SETD7: variants seen among roughly 807,000 people sequenced by gnomAD.
SETD7 encodes the protein histone-lysine N-methyltransferase SETD7.
A neutral mutation model predicts 41.8 loss-of-function variants in SETD7; 16 were observed. That is an observed-to-expected ratio of 0.38 (90% CI 0.26 to 0.58). SETD7 has a LOEUF of 0.58. SETD7 is among the 20% of genes least tolerant of loss of function. The pLI, the probability that SETD7 is intolerant of heterozygous loss-of-function variation, is 0.64. For missense variants in SETD7, 346 were observed against 459.7 expected (o/e 0.75, Z 2.26); for synonymous variants, 163 against 169.7 (o/e 0.96, Z 0.31).
At chr4:139,530,068 G>C (rs1179655576) in intron 3 of SETD7, among the ~76,000 whole-genome samples, 1 of 152,106 alleles carries the variant, frequency 6.6e-6, no homozygotes, top group East Asian at 1.9e-4. Context: ...GGACACAGTA[G>C]GTGATTCTTA....
intron 7 of SETD7, among the ~76,000 whole-genome samples, chr4:139,514,829 T>G (rs1408542018): frequency 6.6e-6 from 1 of 152,202 alleles, no homozygotes; most frequent in Non-Finnish European, 1.5e-5. Flanking sequence ...TGTACTAGAT[T>G]GCGTTTCAAA....
chr4:139,496,666 C>T (rs1726462535), intron 7 of SETD7: 3 of 606,014 alleles, frequency 5.0e-6, no homozygotes, highest in Non-Finnish European at 5.8e-6. Context: ...CTCTCTTTTG[C>T]TGGCTCTGAC....
At position 139,512,752 on chromosome 4, in the gene SETD7, C is replaced by CTT. The variant is rs140570195; in HGVS notation, c.921-911_921-910dup. Among the ~76,000 whole-genome samples the CTT allele has an allele frequency of 2.4e-3, 184 of 75,530 alleles. 1 individual carries two copies. The highest frequency in any genetic ancestry group is 4.8e-3 in the South Asian group (8 of 1,676). 49.6% of individuals were successfully genotyped at this position (75,530 alleles called of 152,430 possible). ...ATTTAGAGTCTTTTTTTTTCTTATT[C>CTT]TTTTTTTTTTTTTTTTTTTTTTTGA... On this transcript the variant is annotated intron_variant, in intron 7 of 7. Coordinates refer to ENST00000274031, the MANE Select transcript of SETD7 (RefSeq NM_030648.4).
chr4:139,545,747 C>T (rs1467000244), intron 2 of SETD7, among the ~76,000 whole-genome samples: 2 of 152,214 alleles, frequency 1.3e-5, no homozygotes, highest in African/African-American at 4.8e-5. Context: ...CAGTCCCTGA[C>T]ATCACCCTTC....
intron 3 of SETD7, among the ~76,000 whole-genome samples, chr4:139,529,873 C>A (rs1367681831): frequency 6.6e-6 from 1 of 152,192 alleles, no homozygotes; most frequent in Non-Finnish European, 1.5e-5. Context: ...GAAAAAAGAT[C>A]AACTAAATTT....
chr4:139,505,902 G>C (rs1726690934), downstream of SETD7: 2 of 152,422 alleles, frequency 1.3e-5, no homozygotes, highest in Non-Finnish European at 2.9e-5. Flanking sequence ...CTCTGAAAAT[G>C]ATAAATGGCT....
chr4:139,521,229 C>T (rs765410880), intron 5 of SETD7, among the ~76,000 whole-genome samples: 8 of 152,040 alleles, frequency 5.3e-5, no homozygotes, highest in Non-Finnish European at 1.0e-4. Flanking sequence ...AGTTCAAGAG[C>T]ACCCTGGCCA....
At chr4:139,495,414 C>T (rs1726435029), downstream of SETD7, among the ~76,000 whole-genome samples, 2 of 152,200 alleles carry the variant, frequency 1.3e-5, no homozygotes, top group Non-Finnish European at 2.9e-5. Flanking sequence ...CATTTCCACA[C>T]TGCCTTAAAG....
rs58770482 is a variant in SETD7 at position 139,525,337 on chromosome 4, C to G, written c.563-1902G>C. On this transcript the variant is annotated intron_variant, in intron 4 of 7. Transcript: ENST00000274031. ...CACTATCTCTTCCAATGCCTACTGT[C>G]TCTTCTTCTGCTGCCTTAGACATGC... is the stretch of plus-strand genomic sequence containing the variant. Among the ~76,000 whole-genome samples the G allele has an allele frequency of 5.1e-3, 773 of 152,336 alleles. 4 individuals are homozygous for G. Among genetic ancestry groups the G allele is most frequent in the African/African-American group, 0.017 (721 of 41,574 alleles).
At chr4:139,535,368 G>A (rs1168932181) in intron 2 of SETD7, among the ~76,000 whole-genome samples, 1 of 152,158 alleles carries the variant, frequency 6.6e-6, no homozygotes, top group African/African-American at 2.4e-5. Context: ...CAATTTAACT[G>A]GGTGTCCTGG....
At chr4:139,517,756 T>C (rs1199458795) in intron 7 of SETD7, 129 bp downstream of exon 7, 7 of 950,122 alleles carry the variant, frequency 7.4e-6, no homozygotes, top group Non-Finnish European at 1.1e-5. Context: ...CTGAGGCCGA[T>C]AGCAGAGGAC....
At chr4:139,516,416 A>T (rs1727025848) in intron 7 of SETD7, among the ~76,000 whole-genome samples, 1 of 143,008 alleles carries the variant, frequency 7.0e-6, no homozygotes, top group Non-Finnish European at 1.5e-5. Context: ...CAGTGAGCCG[A>T]GATCTCACCA....
intron 2 of SETD7, among the ~76,000 whole-genome samples, chr4:139,545,303 C>T (rs965459856): frequency 1.4e-4 from 22 of 151,994 alleles, no homozygotes; most frequent in Middle Eastern, 3.2e-3. Flanking sequence ...CTCTACACCT[C>T]GTGGCAGAGA....
At chr4:139,503,972 T>C (rs73856575), downstream of SETD7, among the ~76,000 whole-genome samples, 3,519 of 152,288 alleles carry the variant, frequency 0.023, 145 homozygotes, top group African/African-American at 0.078. Flanking sequence ...GGCTGGAACC[T>C]GGGCAGCAAT....
chr4:139,523,533 CA>C, intron 4 of SETD7, 98 bp from the exon 5 acceptor site: 1 of 780,822 alleles, frequency 1.3e-6, no homozygotes, highest in Non-Finnish European at 2.1e-6. Context: ...GTTAAAAAAC[CA>C]AAAATCTTAA....
In SETD7 at chr4:139,517,896, G is replaced by A. The variant is rs777871781; in HGVS notation, c.909C>T (p.Cys303=). ...TGGGTAATACTTACATATCGTAGAT[G>A]CAGTTTGGAGTGAAGGAGTGATTTG... The part of the protein sequence containing the change: ...HKANHSFTPN[C]IYDMFVHPRF... Residue 303 remains cysteine (C), a synonymous_variant, in exon 7 of 8, where the codon TGC becomes TGT. Coordinates refer to ENST00000274031, the MANE Select transcript of SETD7 (RefSeq NM_030648.4). 2.8e-5 allele frequency: 45 copies of A among 1,613,220 alleles called. No homozygotes were observed. Among genetic ancestry groups the A allele is most frequent in the Middle Eastern group, 1.6e-4 (1 of 6,070 alleles).
intron 4 of SETD7, among the ~76,000 whole-genome samples, chr4:139,526,274 A>T (rs989567831): frequency 7.1e-6 from 1 of 141,276 alleles, no homozygotes; most frequent in African/African-American, 2.6e-5. Context: ...ACTCTCAACA[A>T]TTTTTTTTTT....
At chr4:139,494,887 A>G (rs1177157455), downstream of SETD7, among the ~76,000 whole-genome samples, 1 of 152,246 alleles carries the variant, frequency 6.6e-6, no homozygotes, top group African/African-American at 2.4e-5. Flanking sequence ...TAAATGGGAA[A>G]CTAGAATTCT....
At chr4:139,533,013 T>C (rs1579215004) in intron 3 of SETD7, 152 bp downstream of exon 3, 1 of 662,812 alleles carries the variant, frequency 1.5e-6, no homozygotes. Flanking sequence ...TGAGTAACAG[T>C]GAGAGGGCAT....
Sources: gnomAD v4.1 joint callset for allele counts (sites outside exome capture counted in the v4.1 genomes callset) on GRCh38, gnomAD v4.1.1 for gene constraint, MANE v1.5 for transcripts, NCBI Gene and HGNC (gene_info 2026-07-23, HGNC 2026-07-21) for gene names.